Variants in PRR5L observed in about 807,000 individuals in gnomAD.
The protein encoded by PRR5L is proline rich 5 like.
A neutral mutation model predicts 36.4 loss-of-function variants in PRR5L; 21 were observed. The ratio of observed to expected loss-of-function variants is 0.58; its 90% CI spans 0.41 to 0.83. The LOEUF is 0.83. Among genes scored for constraint, PRR5L ranks in the 40% least tolerant of loss-of-function variants. PRR5L has a pLI of 0.00. For missense variants in PRR5L, 381 were observed against 473.3 expected (o/e 0.80, Z 1.81); for synonymous variants, 188 against 197.0 (o/e 0.95, Z 0.38).
At chr11:36,443,549 A>C (rs546693360) in intron 6 of PRR5L, among the ~76,000 whole-genome samples, 8 of 152,328 alleles carry the variant, frequency 5.3e-5, no homozygotes, top group Admixed American at 5.2e-4. Context: ...GAAAATAATA[A>C]AACTTGCTTC....
chr11:36,406,700 T>C (rs935299525), intron 3 of PRR5L, among the ~76,000 whole-genome samples: 1 of 152,216 alleles, frequency 6.6e-6, no homozygotes. Context: ...CTCAACATGG[T>C]TGAGGCAGGA....
intron 1 of PRR5L, among the ~76,000 whole-genome samples, chr11:36,359,542 C>T (rs1857063369): frequency 6.6e-6 from 1 of 152,152 alleles, no homozygotes; most frequent in Non-Finnish European, 1.5e-5. Flanking sequence ...CAAATGCTGA[C>T]AATCAATAAT....
chr11:36,311,109 A>C (rs542987130), intron 1 of PRR5L, among the ~76,000 whole-genome samples: 3 of 151,096 alleles, frequency 2.0e-5, no homozygotes, highest in Admixed American at 2.0e-4. Flanking sequence ...GGAGAATGGG[A>C]GGAAGGAAGA....
intron 1 of PRR5L, among the ~76,000 whole-genome samples, chr11:36,343,172 A>T (rs965030170): frequency 1.3e-5 from 2 of 152,252 alleles, no homozygotes; most frequent in Admixed American, 1.3e-4. Flanking sequence ...TTGTATCAGA[A>T]TTCCATGTTG....
At chr11:36,316,092 G>C (rs955057953) in intron 1 of PRR5L, among the ~76,000 whole-genome samples, 11 of 152,174 alleles carry the variant, frequency 7.2e-5, no homozygotes, top group African/African-American at 2.7e-4. Context: ...ATTAGTCTAG[G>C]ACAGGAATCA....
At chr11:36,359,641 A>G (rs1028437880) in intron 1 of PRR5L, among the ~76,000 whole-genome samples, 4 of 152,216 alleles carry the variant, frequency 2.6e-5, no homozygotes, top group African/African-American at 9.7e-5. Context: ...TCCAGAGCAG[A>G]TGCCATGAAG....
intron 3 of PRR5L, among the ~76,000 whole-genome samples, chr11:36,418,658 T>C (rs1456679333): frequency 2.0e-5 from 3 of 152,004 alleles, no homozygotes; most frequent in Non-Finnish European, 4.4e-5. Context: ...TAGCCGGGCA[T>C]GGTGGCGGGC....
chr11:36,457,597 C>T (rs1313923000), intron 8 of PRR5L, among the ~76,000 whole-genome samples: 1 of 122,354 alleles, frequency 8.2e-6, no homozygotes, highest in African/African-American at 3.2e-5. Context: ...CAGAGTGAGA[C>T]TCCGTCTCAA....
chr11:36,352,589 G>A (rs551207890), intron 1 of PRR5L, among the ~76,000 whole-genome samples: 6 of 152,222 alleles, frequency 3.9e-5, no homozygotes, highest in East Asian at 3.9e-4. Context: ...AACTCATGTC[G>A]GTACCTGGCT....
intron 2 of PRR5L, 35 bp from the exon 3 acceptor site, chr11:36,403,263 A>T: frequency 6.3e-7 from 1 of 1,591,992 alleles, no homozygotes; most frequent in South Asian, 1.1e-5. Flanking sequence ...AAGAAGGGAG[A>T]TTCTCTAACC....
chr11:36,433,596 C>G (rs982153336), intron 5 of PRR5L, among the ~76,000 whole-genome samples: 11 of 152,292 alleles, frequency 7.2e-5, no homozygotes, highest in African/African-American at 2.4e-4. Flanking sequence ...GTGGCCCAGG[C>G]TGGAGTACAG....
At chr11:36,372,446 T>C (rs921124721) in intron 1 of PRR5L, among the ~76,000 whole-genome samples, 4 of 152,224 alleles carry the variant, frequency 2.6e-5, no homozygotes, top group Non-Finnish European at 4.4e-5. Flanking sequence ...TACTGCTTCC[T>C]TTATCTCAAT....
intron 1 of PRR5L, among the ~76,000 whole-genome samples, chr11:36,350,939 T>TAC (rs1856926263): frequency 3.7e-5 from 1 of 27,174 alleles, no homozygotes; most frequent in East Asian, 2.5e-3. Context: ...TTTATATATT[T>TAC]ATATATATAT....
intron 1 of PRR5L, among the ~76,000 whole-genome samples, chr11:36,309,151 G>C (rs1856468194): frequency 6.6e-6 from 1 of 152,190 alleles, no homozygotes; most frequent in Non-Finnish European, 1.5e-5. Flanking sequence ...TGTTAAGTAT[G>C]GCTCAGGGAG....
At chr11:36,413,993 G>A (rs1215873922) in intron 3 of PRR5L, among the ~76,000 whole-genome samples, 1 of 150,124 alleles carries the variant, frequency 6.7e-6, no homozygotes, top group Non-Finnish European at 1.5e-5. Context: ...ATAGTTTACT[G>A]AGAATGATGA....
intron 1 of PRR5L, among the ~76,000 whole-genome samples, chr11:36,369,351 A>G (rs1857175182): frequency 6.6e-6 from 1 of 152,084 alleles, no homozygotes; most frequent in Non-Finnish European, 1.5e-5. Flanking sequence ...TGGGTTCCTT[A>G]GTTTGTATCC....
chr11:36,325,823 C>T (rs79529698), intron 1 of PRR5L, among the ~76,000 whole-genome samples: 14 of 152,094 alleles, frequency 9.2e-5, no homozygotes, highest in Non-Finnish European at 1.3e-4. Flanking sequence ...TGGCAATTAC[C>T]GTTGTTTTTC....
At chr11:36,358,400 A>C (rs1857050748) in intron 1 of PRR5L, among the ~76,000 whole-genome samples, 1 of 152,222 alleles carries the variant, frequency 6.6e-6, no homozygotes, top group Non-Finnish European at 1.5e-5. Flanking sequence ...ATCAACATTG[A>C]GGCAACACCC....
At position 36,344,427 on chromosome 11, in the gene PRR5L, A is replaced by G. The variant is rs1856845719; in HGVS notation, c.-126+47989A>G. 6.6e-6 allele frequency among the ~76,000 whole-genome samples: 1 copy of G among 152,224 alleles called. No homozygotes were observed. Among genetic ancestry groups the G allele is most frequent in the African/African-American group, 2.4e-5 (1 of 41,472 alleles). On this transcript the variant is annotated intron_variant, in intron 1 of 8. Coordinates refer to ENST00000530639, the MANE Select transcript of PRR5L (RefSeq NM_001160167.2). The surrounding 1 kb of genome is among the most constrained non-coding windows in gnomAD (Gnocchi z 4.1). ...GTTATAAATATTTCTTGATATTATT[A>G]AAAGTTATTGACATCATTTTTAAGG...
Sources: gnomAD v4.1 joint callset for allele counts (sites outside exome capture counted in the v4.1 genomes callset) on GRCh38, gnomAD v4.1.1 for gene constraint, Gnocchi (gnomAD v3.1) non-coding constraint, MANE v1.5 for transcripts, NCBI Gene and HGNC (gene_info 2026-07-23, HGNC 2026-07-21) for gene names.